The following TBC1D8B variants were observed in gnomAD, a reference collection of about 807,000 sequenced individuals.
The protein encoded by TBC1D8B is TBC1 domain family member 8B, also known as RP11-321G1.1.
TBC1D8B carries 75 observed loss-of-function variants against 82.9 expected under a neutral mutation model. The observed-to-expected ratio is 0.90, with a 90% CI of 0.75 to 1.10. TBC1D8B has a LOEUF of 1.10. Ranked by LOEUF, TBC1D8B falls within the 50% of genes least tolerant of loss-of-function variation. The pLI is 0.00. For missense variants in TBC1D8B, 794 were observed against 796.9 expected (o/e 1.00, Z 0.04); for synonymous variants, 276 against 276.8 (o/e 1.00, Z 0.03).
Position 106,820,941 on chromosome X carries a change from A to C in TBC1D8B, c.306A>C (p.Leu102Phe). The change falls in exon 3 of 21, where the codon TTA becomes TTC. Residue 102 changes from leucine (L) to phenylalanine (F), a missense_variant. Physicochemically the swap from Leu to Phe is conservative, Grantham distance 22. Coordinates refer to ENST00000357242, the MANE Select transcript of TBC1D8B (RefSeq NM_017752.3). ...TGGAACAAAATATTATGAAGACCTT[A>C]TCTGTATTTGATTCAAATGAAGATA... ...DWLEQNIMKTLSVFDSNEDIT... is the reference protein window; with the variant it reads ...DWLEQNIMKTFSVFDSNEDIT... The C allele has an allele frequency of 8.4e-7, 1 of 1,188,053 alleles. No homozygotes were observed. The highest frequency in any genetic ancestry group is 1.1e-6 in the Non-Finnish European group (1 of 883,357).
chrX:106,809,285 G>A (rs1015429276), intron 1 of TBC1D8B, among the ~76,000 whole-genome samples: 4 of 111,177 alleles, frequency 3.6e-5, no homozygotes, highest in Non-Finnish European at 7.5e-5. Flanking sequence ...AGTTGGGGGA[G>A]GCAAATAAAC....
chrX:106,850,185 G>A lies in TBC1D8B; in HGVS notation c.1998G>A (p.Val666=), dbSNP rs113409753. The stretch of plus-strand genomic sequence containing the variant: ...TACCTATTGAAAGTGCAGTGAATGT[G>A]GTGGACTGTTTCTTCTATGATGGAA... The part of the protein sequence containing the change: ...SVLPIESAVN[V]VDCFFYDGIK... Residue 666 remains valine, a synonymous_variant, in exon 12 of 21, where the codon GTG becomes GTA. Transcript: ENST00000357242. 1.7e-6 allele frequency: 2 copies of A among 1,211,260 alleles called. No homozygotes were observed. Among genetic ancestry groups the A allele is most frequent in the South Asian group, 1.8e-5 (1 of 56,920 alleles).
intron 10 of TBC1D8B, among the ~76,000 whole-genome samples, chrX:106,844,484 T>C (rs1340732130): frequency 9.8e-6 from 1 of 102,303 alleles, no homozygotes; most frequent in African/African-American, 3.8e-5. Flanking sequence ...TCCATATATA[T>C]ATATATATAA....
chrX:106,843,836 A>G (rs1334346390), intron 10 of TBC1D8B, among the ~76,000 whole-genome samples: 5 of 111,460 alleles, frequency 4.5e-5, no homozygotes, highest in Non-Finnish European at 9.4e-5. Context: ...CCAACCCATA[A>G]ACACAAGATG....
chrX:106,818,722 C>T lies in TBC1D8B; in HGVS notation c.190C>T (p.Arg64Cys), dbSNP rs748413985. Residue 64 changes from arginine (R) to cysteine (C), a missense_variant, in exon 2 of 21, where the codon CGC (arginine) becomes TGC (cysteine). Physicochemically the swap from Arg to Cys is radical, Grantham distance 180. Coordinates refer to ENST00000357242, the MANE Select transcript of TBC1D8B (RefSeq NM_017752.3). The stretch of plus-strand genomic sequence containing the variant: ...CTCTACTGCTAAAGTAGCTCCATTT[C>T]GCATCCTACACCAGACACCAGATTC... ...LDSTAKVAPF[R>C]ILHQTPDSQV... is the part of the protein sequence containing the mutation. 3.4e-5 allele frequency: 41 copies of T among 1,206,577 alleles called. No individual in the cohort carries two copies. The highest frequency in any genetic ancestry group is 4.3e-5 in the Non-Finnish European group (38 of 893,291).
rs1932810302 is a variant in TBC1D8B at position 106,865,795 on chromosome X, A to G, written c.2424A>G (p.Lys808=). 4 of 1,178,562 alleles carry G rather than the reference A, an allele frequency of 3.4e-6. No individual in the cohort carries two copies. In the East Asian group the frequency reaches 1.2e-4, roughly 35 times the overall value. Residue 808 remains lysine (K), a splice_region_variant and synonymous_variant, in exon 16 of 21, where the codon AAA becomes AAG. Coordinates refer to ENST00000357242, the MANE Select transcript of TBC1D8B (RefSeq NM_017752.3). ...ELDELYVIFK[K]ELFLSCYWCL... ...CCTTTTTTATTTATTTTTAATAGAA[A>G]GAGCTGTTTTTATCTTGTTATTGGT...
chrX:106,824,334 G>A (rs1440645898), intron 5 of TBC1D8B, among the ~76,000 whole-genome samples: 1 of 111,088 alleles, frequency 9.0e-6, no homozygotes, highest in African/African-American at 3.3e-5. Context: ...AAGTGACCTA[G>A]AAGGTTGTAT....
rs772292010 is a variant in TBC1D8B, at chrX:106,873,677, G to A, written c.3075G>A (p.Arg1025=). Residue 1025 remains arginine, a synonymous_variant, in exon 21 of 21, where the codon AGG becomes AGA. Coordinates refer to ENST00000357242, the MANE Select transcript of TBC1D8B (RefSeq NM_017752.3). Reference sequence around the variant, plus strand: ...CTGTTGTAACCAGCCTTTTACTCAGGATGGAAGAAGTTGGAAGGAAACTAC... The same window carrying A: ...CTGTTGTAACCAGCCTTTTACTCAGAATGGAAGAAGTTGGAAGGAAACTAC... ...AIAVVTSLLL[R]MEEVGRKLHS... 6.6e-6 allele frequency: 8 copies of A among 1,210,040 alleles called. No homozygotes were observed. The highest frequency in any genetic ancestry group is 4.4e-5 in the Admixed American group (2 of 45,766).
At chrX:106,813,743 T>A (rs780537013) in intron 1 of TBC1D8B, 1 of 112,196 alleles carries the variant, frequency 8.9e-6, no homozygotes, top group African/African-American at 3.2e-5. Context: ...TTTTTCAACA[T>A]AGTGATAGCT....
Position 106,823,310 on chromosome X carries a change from C to T in TBC1D8B, c.671C>T (p.Ser224Phe). The T allele has an allele frequency of 8.3e-7, 1 of 1,209,902 alleles. No individual in the cohort carries two copies. Among genetic ancestry groups the T allele is most frequent in the East Asian group, 3.0e-5 (1 of 33,701 alleles). The change falls in exon 5 of 21, where the codon TCC becomes TTC. Residue 224 changes from serine to phenylalanine, a missense_variant. Ser to Phe is a radical substitution (Grantham distance 155, BLOSUM62 -2). Coordinates refer to ENST00000357242, the MANE Select transcript of TBC1D8B (RefSeq NM_017752.3). Reference protein sequence around the residue: ...VILTESIHVCSQGENHYFSMF... With the variant: ...VILTESIHVCFQGENHYFSMF... ...CTGACAGAGAGTATTCACGTGTGTT[C>T]CCAAGGAGAGAATCACTACTTTTCA...
intron 19 of TBC1D8B, among the ~76,000 whole-genome samples, chrX:106,870,427 T>G (rs1932840769): frequency 8.9e-6 from 1 of 112,106 alleles, no homozygotes; most frequent in Admixed American, 9.4e-5. Flanking sequence ...TTTGCATTAT[T>G]AAGTCGGGGT....
At chrX:106,852,189 G>C (rs1352350550) in intron 12 of TBC1D8B, among the ~76,000 whole-genome samples, 1 of 103,023 alleles carries the variant, frequency 9.7e-6, no homozygotes, top group African/African-American at 3.6e-5. Context: ...TTTTTCATGT[G>C]TTTTTTGGCT....
intron 20 of TBC1D8B, among the ~76,000 whole-genome samples, chrX:106,873,228 G>A (rs1932861940): frequency 9.0e-6 from 1 of 111,117 alleles, no homozygotes; most frequent in Non-Finnish European, 1.9e-5. Context: ...CTCCCAAGTA[G>A]CTGGGATTAC....
intron 4 of TBC1D8B, 74 bp downstream of exon 4, chrX:106,822,276 TAAATA>T: frequency 1.3e-6 from 1 of 799,818 alleles, no homozygotes; most frequent in African/African-American, 2.1e-5. Flanking sequence ...TGTTAGGTTG[TAAATA>T]AAATAATAGG....
chrX:106,842,598 T>C (rs1167705754), intron 10 of TBC1D8B, among the ~76,000 whole-genome samples: 1 of 83,130 alleles, frequency 1.2e-5, no homozygotes, highest in Non-Finnish European at 2.3e-5. Context: ...GCTGGCTAGC[T>C]TGCTCTATCT....
At chrX:106,832,432 A>T (rs1376652860) in intron 7 of TBC1D8B, among the ~76,000 whole-genome samples, 1 of 111,442 alleles carries the variant, frequency 9.0e-6, no homozygotes, top group Non-Finnish European at 1.9e-5. Context: ...TATAATCAAG[A>T]ACTATTACTA....
intron 13 of TBC1D8B, 35 bp downstream of exon 13, chrX:106,853,685 CA>C: frequency 8.7e-7 from 1 of 1,147,063 alleles, no homozygotes; most frequent in Non-Finnish European, 1.2e-6. Context: ...TATTAGCTAG[CA>C]TATTTAAAAT....
chrX:106,806,284 A>G (rs1346746121), intron 1 of TBC1D8B, among the ~76,000 whole-genome samples: 1 of 112,090 alleles, frequency 8.9e-6, no homozygotes, highest in Non-Finnish European at 1.9e-5. Context: ...TATCTTGTGG[A>G]AATTTTTGGT....
chrX:106,831,366 C>A lies in TBC1D8B; in HGVS notation c.1203+4029C>A, dbSNP rs559705706. ...CATCTCAATTCCAGACGCAGAATTT[C>A]TACATTGGCCATCAAGGGTTTTCCT... On this transcript the variant is annotated intron_variant, in intron 7 of 20. Coordinates refer to ENST00000357242, the MANE Select transcript of TBC1D8B (RefSeq NM_017752.3). 1.5e-4 allele frequency among the ~76,000 whole-genome samples: 17 copies of A among 111,066 alleles called. 1 individual carries two copies. The highest frequency in any genetic ancestry group is 5.2e-4 in the African/African-American group (16 of 30,677).
Sources: gnomAD v4.1 joint callset for allele counts (sites outside exome capture counted in the v4.1 genomes callset) on GRCh38, gnomAD v4.1.1 for gene constraint, MANE v1.5 for transcripts, NCBI Gene and HGNC (gene_info 2026-07-23, HGNC 2026-07-21) for gene names.